The following NEO1 variants were observed in gnomAD, a reference collection of about 807,000 sequenced individuals.
NEO1 encodes neogenin.
Under a neutral mutation model 159.7 loss-of-function variants are expected in NEO1, and 63 were observed. The observed-to-expected ratio is 0.39, with a 90% confidence interval of 0.32 to 0.49. The LOEUF (loss-of-function observed/expected upper bound fraction) is 0.49, where lower values mean the gene tolerates loss of function less well. Among genes scored for constraint, NEO1 ranks in the 20% least tolerant of loss-of-function variants. The pLI is 0.85. For synonymous variants in NEO1, 633 were observed against 662.0 expected (o/e 0.96, Z 0.67); for missense variants, 1,615 against 1,831.0 (o/e 0.88, Z 2.15).
chr15:73,091,099 T>A (rs1439922204), intron 1 of NEO1, among the ~76,000 whole-genome samples: 1 of 152,226 alleles, frequency 6.6e-6, no homozygotes, highest in Non-Finnish European at 1.5e-5. Flanking sequence ...TATCCACTAC[T>A]ATTACTACCT....
intron 1 of NEO1, among the ~76,000 whole-genome samples, chr15:73,116,014 T>C (rs891272340): frequency 6.6e-6 from 1 of 152,104 alleles, no homozygotes; most frequent in Non-Finnish European, 1.5e-5. Flanking sequence ...TAAAGTCAAA[T>C]GGAAAAAAGA....
chr15:73,283,202 A>G (rs2041803875), intron 23 of NEO1, 91 bp downstream of exon 23: 1 of 1,390,310 alleles, frequency 7.2e-7, no homozygotes, highest in Non-Finnish European at 9.8e-7. Flanking sequence ...CACAAAGTTA[A>G]GACATAAAAA....
At chr15:73,235,093 C>G (rs935594266) in intron 7 of NEO1, among the ~76,000 whole-genome samples, 7 of 152,080 alleles carry the variant, frequency 4.6e-5, no homozygotes, top group Non-Finnish European at 7.4e-5. Context: ...TAGGTTGGTC[C>G]TCCTTTGCCA....
At chr15:73,131,297 T>G (rs1378268549) in intron 4 of NEO1, among the ~76,000 whole-genome samples, 2 of 152,212 alleles carry the variant, frequency 1.3e-5, no homozygotes, top group East Asian at 3.8e-4. Context: ...ATCACTTCAG[T>G]GAGCAATTAT....
In NEO1 at chr15:73,242,972, A is replaced by T. The variant is rs1174886727; in HGVS notation, c.1452-1372A>T. ...AGCTGTACTTCCCTTTAAGACAGGG[A>T]TCATCCATGATCAGACCAAGTGTCA... is the stretch of plus-strand genomic sequence containing the variant. On this transcript the variant is annotated intron_variant, in intron 8 of 28. Coordinates refer to ENST00000261908, the MANE Select transcript of NEO1 (RefSeq NM_002499.4). Among the ~76,000 whole-genome samples the T allele has an allele frequency of 2.6e-5, 4 of 152,330 alleles. No homozygotes were observed. In the East Asian group the frequency reaches 7.7e-4, roughly 29 times the overall value.
chr15:73,197,743 C>T (rs543108325), intron 7 of NEO1, among the ~76,000 whole-genome samples: 1 of 149,350 alleles, frequency 6.7e-6, no homozygotes, highest in African/African-American at 2.5e-5. Context: ...TGCAGTGGCG[C>T]AATTTCGGCT....
intron 1 of NEO1, among the ~76,000 whole-genome samples, chr15:73,108,037 C>T (rs189372248): frequency 6.6e-6 from 1 of 152,134 alleles, no homozygotes; most frequent in African/African-American, 2.4e-5. Context: ...CAAACAACAA[C>T]AACAAAACCC....
intron 22 of NEO1, among the ~76,000 whole-genome samples, chr15:73,281,318 G>A (rs1004296353): frequency 6.7e-6 from 1 of 149,676 alleles, no homozygotes; most frequent in Admixed American, 6.7e-5. Context: ...TGCATGGCGC[G>A]ATCTCCGCTC....
chr15:73,152,265 A>T (rs1278881541), intron 5 of NEO1, among the ~76,000 whole-genome samples: 1 of 152,210 alleles, frequency 6.6e-6, no homozygotes, highest in African/African-American at 2.4e-5. Flanking sequence ...CACCTGCCCC[A>T]AGGCTCTAAT....
At chr15:73,238,275 T>TG (rs2039300507) in intron 8 of NEO1, among the ~76,000 whole-genome samples, 2 of 29,982 alleles carry the variant, frequency 6.7e-5, no homozygotes, top group African/African-American at 2.1e-4. Flanking sequence ...GTTTGGGTTT[T>TG]TTTTTTTTTT....
intron 7 of NEO1, among the ~76,000 whole-genome samples, chr15:73,220,846 T>G (rs1257620511): frequency 6.6e-6 from 1 of 152,198 alleles, no homozygotes; most frequent in Non-Finnish European, 1.5e-5. Context: ...TTTCAAAGTT[T>G]TCAACTTCTT....
intron 5 of NEO1, among the ~76,000 whole-genome samples, chr15:73,170,930 A>G (rs1341361788): frequency 6.6e-6 from 1 of 152,116 alleles, no homozygotes; most frequent in African/African-American, 2.4e-5. Flanking sequence ...TAACATCACC[A>G]AAAGAGAGAT....
intron 1 of NEO1, among the ~76,000 whole-genome samples, chr15:73,098,827 CAG>C (rs2070237891): frequency 6.6e-6 from 1 of 152,080 alleles, no homozygotes; most frequent in Non-Finnish European, 1.5e-5. Flanking sequence ...CTAGATTTTG[CAG>C]ATTTTCCTCT....
chr15:73,121,480 G>A (rs920969143), intron 2 of NEO1, among the ~76,000 whole-genome samples: 4 of 152,136 alleles, frequency 2.6e-5, no homozygotes, highest in African/African-American at 9.7e-5. Context: ...ACTTAAGATG[G>A]TCTGTGCAGT....
chr15:73,276,971 A>G (rs1339830496), intron 21 of NEO1, among the ~76,000 whole-genome samples: 1 of 152,192 alleles, frequency 6.6e-6, no homozygotes, highest in African/African-American at 2.4e-5. Context: ...AACATCTACT[A>G]TGTGTCAGTC....
At chr15:73,181,885 T>C (rs2035631235) in intron 7 of NEO1, among the ~76,000 whole-genome samples, 1 of 149,548 alleles carries the variant, frequency 6.7e-6, no homozygotes, top group Non-Finnish European at 1.5e-5. Flanking sequence ...AAGCCAGAGA[T>C]ACTTCCAAGG....
At chr15:73,274,041 C>A (rs780650326) in intron 20 of NEO1, 36 bp downstream of exon 20, 41 of 1,588,908 alleles carry the variant, frequency 2.6e-5, no homozygotes, top group Admixed American at 1.2e-4. Flanking sequence ...TGTTGTGTGT[C>A]TCTTTAGTGG....
chr15:73,104,917 A>C (rs749926690), intron 1 of NEO1, among the ~76,000 whole-genome samples: 1 of 152,160 alleles, frequency 6.6e-6, no homozygotes, highest in Admixed American at 6.5e-5. Context: ...AATGCGCCCC[A>C]TGATCCAATC....
chr15:73,096,615 AT>A (rs1313942027), intron 1 of NEO1, among the ~76,000 whole-genome samples: 1 of 152,206 alleles, frequency 6.6e-6, no homozygotes, highest in Non-Finnish European at 1.5e-5. Context: ...GAAAGCCAAA[AT>A]TTTAGCAGAA....
Sources: gnomAD v4.1 joint callset for allele counts (sites outside exome capture counted in the v4.1 genomes callset) on GRCh38, gnomAD v4.1.1 for gene constraint, MANE v1.5 for transcripts, NCBI Gene and HGNC (gene_info 2026-07-23, HGNC 2026-07-21) for gene names.